NDST4: variants seen among roughly 807,000 people sequenced by gnomAD.
NDST4 encodes N-deacetylase and N-sulfotransferase 4.
A neutral mutation model predicts 100.8 loss-of-function variants in NDST4; 63 were observed. The observed-to-expected ratio is 0.62, with a 90% CI of 0.51 to 0.77. NDST4 has a LOEUF of 0.77. NDST4 is among the 30% of genes least tolerant of loss of function. NDST4 has a pLI of 0.00. For missense variants in NDST4, 943 were observed against 1,018.4 expected (o/e 0.93, Z 1.01); for synonymous variants, 377 against 361.8 (o/e 1.04, Z -0.48).
chr4:114,896,954 T>C (rs1427718075), intron 6 of NDST4, among the ~76,000 whole-genome samples: 1 of 152,136 alleles, frequency 6.6e-6, no homozygotes, highest in African/African-American at 2.4e-5. Context: ...CAGAGCATAA[T>C]TGAGTGGCAG....
chr4:115,012,814 T>G (rs1727583205), intron 2 of NDST4, among the ~76,000 whole-genome samples: 1 of 151,988 alleles, frequency 6.6e-6, no homozygotes, highest in Non-Finnish European at 1.5e-5. Flanking sequence ...GACAAATGGA[T>G]AAAGACAATG....
intron 2 of NDST4, among the ~76,000 whole-genome samples, chr4:114,993,501 A>T (rs1727094913): frequency 6.6e-6 from 1 of 151,980 alleles, no homozygotes; most frequent in Non-Finnish European, 1.5e-5. Context: ...GCAGTTTGGT[A>T]TCACACTTCC....
intron 2 of NDST4, among the ~76,000 whole-genome samples, chr4:114,978,329 C>T (rs1726683559): frequency 6.6e-6 from 1 of 151,786 alleles, no homozygotes; most frequent in Non-Finnish European, 1.5e-5. Context: ...GACTTGTGAA[C>T]CTAACTGTTT....
At chr4:115,095,119 T>G (rs931024618) in intron 1 of NDST4, among the ~76,000 whole-genome samples, 1 of 152,116 alleles carries the variant, frequency 6.6e-6, no homozygotes, top group African/African-American at 2.4e-5. Context: ...GCATGATCAC[T>G]GCTGTAGGTA....
At chr4:115,064,642 A>G (rs1296785964) in intron 2 of NDST4, among the ~76,000 whole-genome samples, 1 of 152,046 alleles carries the variant, frequency 6.6e-6, no homozygotes, top group Non-Finnish European at 1.5e-5. Flanking sequence ...TATTGTACCT[A>G]CTGAGCTTTC....
At chr4:115,071,995 A>T (rs1460442048) in intron 2 of NDST4, among the ~76,000 whole-genome samples, 1 of 152,118 alleles carries the variant, frequency 6.6e-6, no homozygotes, top group Non-Finnish European at 1.5e-5. Flanking sequence ...TTCAAGAAAA[A>T]CACAGAGATA....
chr4:114,926,832 G>A (rs1409630445), intron 6 of NDST4, among the ~76,000 whole-genome samples: 1 of 152,032 alleles, frequency 6.6e-6, no homozygotes, highest in African/African-American at 2.4e-5. Context: ...GAATTCCCAA[G>A]GCAATAAGAA....
intron 7 of NDST4, among the ~76,000 whole-genome samples, chr4:114,867,664 G>GAAA (rs1491405935): frequency 3.8e-5 from 1 of 26,078 alleles, no homozygotes; most frequent in African/African-American, 9.9e-5. Context: ...AAAAAAAAAA[G>GAAA]CAAAAAAAAA....
chr4:114,870,409 T>C (rs1026207436), intron 7 of NDST4, among the ~76,000 whole-genome samples: 1 of 152,106 alleles, frequency 6.6e-6, no homozygotes, highest in Admixed American at 6.6e-5. Flanking sequence ...GCTCTAGGTT[T>C]TTATTTCCCT....
At chr4:114,976,620 G>T (rs958589667) in intron 3 of NDST4, among the ~76,000 whole-genome samples, 6 of 151,896 alleles carry the variant, frequency 4.0e-5, no homozygotes, top group Admixed American at 1.3e-4. Context: ...GAGATGGAAA[G>T]AAATACAAGT....
intron 2 of NDST4, among the ~76,000 whole-genome samples, chr4:115,062,428 T>C (rs1054898615): frequency 1.3e-5 from 2 of 151,842 alleles, no homozygotes; most frequent in Admixed American, 1.3e-4. Flanking sequence ...TACAAACTTC[T>C]AGAGGTGACA....
At chr4:114,976,419 T>C (rs1037899481) in intron 3 of NDST4, among the ~76,000 whole-genome samples, 2 of 152,020 alleles carry the variant, frequency 1.3e-5, no homozygotes, top group African/African-American at 2.4e-5. Flanking sequence ...ATCAATTTTA[T>C]TAGCATAGCT....
At chr4:115,081,244 T>G (rs1022395076) in intron 1 of NDST4, among the ~76,000 whole-genome samples, 3 of 152,182 alleles carry the variant, frequency 2.0e-5, no homozygotes, top group Admixed American at 6.5e-5. Flanking sequence ...GTGTTTTCAA[T>G]GTAGGTGTTT....
chr4:114,949,093 T>C (rs935711528), intron 4 of NDST4, among the ~76,000 whole-genome samples: 1 of 152,136 alleles, frequency 6.6e-6, no homozygotes. Flanking sequence ...ACAAGGGTGA[T>C]CACTGAAACA....
chr4:114,938,083 A>T (rs796988146), intron 4 of NDST4, among the ~76,000 whole-genome samples: 4 of 152,296 alleles, frequency 2.6e-5, no homozygotes, highest in African/African-American at 9.6e-5. Flanking sequence ...GTTAAGATAA[A>T]CTGTAAGGGG....
At chr4:115,043,698 A>C (rs1424020002) in intron 2 of NDST4, among the ~76,000 whole-genome samples, 5 of 152,154 alleles carry the variant, frequency 3.3e-5, no homozygotes, top group Non-Finnish European at 7.4e-5. Flanking sequence ...TCAGTGTCTC[A>C]TCTGTAAAAT....
intron 7 of NDST4, among the ~76,000 whole-genome samples, chr4:114,862,738 A>G (rs1441633): frequency 0.026 from 3,992 of 152,264 alleles, 181 homozygotes; most frequent in South Asian, 0.18. Flanking sequence ...GTTGTCTCCA[A>G]CACAGAGAGA....
intron 7 of NDST4, among the ~76,000 whole-genome samples, chr4:114,854,499 G>C (rs772752807): frequency 5.9e-5 from 9 of 151,698 alleles, no homozygotes; most frequent in Non-Finnish European, 8.8e-5. Flanking sequence ...ACAGAGTTTT[G>C]CTCTTGTTGC....
At chr4:114,920,151 A>T (rs1458584086) in intron 6 of NDST4, among the ~76,000 whole-genome samples, 13 of 152,308 alleles carry the variant, frequency 8.5e-5, no homozygotes, top group Admixed American at 3.3e-4. Context: ...ATTGACATAT[A>T]TGTATTTTTA....
Sources: gnomAD v4.1 joint callset for allele counts (sites outside exome capture counted in the v4.1 genomes callset) on GRCh38, gnomAD v4.1.1 for gene constraint, MANE v1.5 for transcripts, NCBI Gene and HGNC (gene_info 2026-07-23, HGNC 2026-07-21) for gene names.